PTPRN2: variants seen among roughly 807,000 people sequenced by gnomAD.
PTPRN2 encodes receptor-type tyrosine-protein phosphatase N2.
A neutral mutation model predicts 118.8 loss-of-function variants in PTPRN2; 74 were observed. The ratio of observed to expected loss-of-function variants is 0.62; its 90% confidence interval spans 0.52 to 0.76. The LOEUF is 0.76. Among genes scored for constraint, PTPRN2 ranks in the 30% least tolerant of loss-of-function variants. PTPRN2 has a pLI of 0.00. For synonymous variants in PTPRN2, 641 were observed against 608.0 expected (o/e 1.05, Z -0.80); for missense variants, 1,481 against 1,394.4 (o/e 1.06, Z -0.99).
intron 1 of PTPRN2, among the ~76,000 whole-genome samples, chr7:158,545,736 C>G (rs1209139154): frequency 2.0e-5 from 3 of 152,180 alleles, no homozygotes; most frequent in Non-Finnish European, 4.4e-5. Context: ...CAGTGGCTCA[C>G]ACCTGTAATC....
rs140865053 is a variant in PTPRN2 at position 157,872,819 on chromosome 7, G to A, written c.1788+25854C>T. 8.5e-3 allele frequency among the ~76,000 whole-genome samples: 1,292 copies of A among 152,360 alleles called. 11 individuals are homozygous for A. Among genetic ancestry groups the A allele is most frequent in the South Asian group, 0.016 (75 of 4,832 alleles). On this transcript the variant is annotated intron_variant, in intron 12 of 22. Transcript: ENST00000389418. ...TGAGAGTTTCCTCAGCTTCCTGGCG[G>A]GGTAGAGGGGTGACGGGTGCTTTCT...
At chr7:158,539,093 G>T (rs779258620) in intron 1 of PTPRN2, among the ~76,000 whole-genome samples, 2 of 152,182 alleles carry the variant, frequency 1.3e-5, no homozygotes, top group Non-Finnish European at 2.9e-5. Context: ...CCCCGTGTCA[G>T]CCAGCACAGC....
intron 9 of PTPRN2, among the ~76,000 whole-genome samples, chr7:158,128,007 C>T (rs1817835869): frequency 6.6e-6 from 1 of 152,156 alleles, no homozygotes; most frequent in African/African-American, 2.4e-5. Context: ...AAAAGCCGAG[C>T]CCTACCATCC....
At chr7:158,325,892 C>T (rs1418937437) in intron 2 of PTPRN2, among the ~76,000 whole-genome samples, 1 of 152,258 alleles carries the variant, frequency 6.6e-6, no homozygotes, top group East Asian at 1.9e-4. Flanking sequence ...CTTGCGGCTG[C>T]CAGCTGACCC....
At chr7:157,908,509 C>A (rs1218198933) in intron 11 of PTPRN2, among the ~76,000 whole-genome samples, 1 of 152,220 alleles carries the variant, frequency 6.6e-6, no homozygotes, top group Non-Finnish European at 1.5e-5. Flanking sequence ...CCCACTCTTG[C>A]GTTTCTTTGC....
At chr7:157,777,222 C>T (rs565783431) in intron 12 of PTPRN2, among the ~76,000 whole-genome samples, 2 of 152,242 alleles carry the variant, frequency 1.3e-5, no homozygotes, top group African/African-American at 4.8e-5. Context: ...AACAGATCCA[C>T]AAATTCTTGT....
rs1337451695 is a variant in PTPRN2, at chr7:158,563,454, G to A, written c.112+24104C>T. 1.3e-5 allele frequency among the ~76,000 whole-genome samples: 2 copies of A among 152,210 alleles called. No individual in the cohort carries two copies. The highest frequency in any genetic ancestry group is 4.8e-5 in the African/African-American group (2 of 41,458). On this transcript the variant is annotated intron_variant, in intron 1 of 22. Transcript: ENST00000389418. The surrounding 1 kb of genome is among the most constrained non-coding windows in gnomAD (Gnocchi z 5.1). The stretch of plus-strand genomic sequence containing the variant: ...CATAATATGAAGTTTGGGTGAGGCG[G>A]TGCCAAAACCCAGCTGGTGCAAGCT...
At chr7:158,116,379 C>T in intron 9 of PTPRN2, among the ~76,000 whole-genome samples, 1 of 152,240 alleles carries the variant, frequency 6.6e-6, no homozygotes, top group East Asian at 1.9e-4. Context: ...GATCCTTGAA[C>T]TCTGAAGCCT....
At chr7:158,088,342 C>T (rs62480181) in intron 10 of PTPRN2, among the ~76,000 whole-genome samples, 58 of 26,092 alleles carry the variant, frequency 2.2e-3, no homozygotes, top group African/African-American at 3.6e-3. Context: ...ACAAACCTTC[C>T]TCCCCTGATG....
intron 11 of PTPRN2, among the ~76,000 whole-genome samples, chr7:158,073,548 C>T (rs752433853): frequency 1.3e-5 from 2 of 152,210 alleles, no homozygotes; most frequent in Non-Finnish European, 2.9e-5. Context: ...CTTTCTGCTC[C>T]GGTATAAAGA....
At chr7:157,736,983 G>A (rs1006727592) in intron 12 of PTPRN2, among the ~76,000 whole-genome samples, 1 of 152,146 alleles carries the variant, frequency 6.6e-6, no homozygotes, top group African/African-American at 2.4e-5. Flanking sequence ...CCTGCTTCAG[G>A]TGCCCTTTGC....
At chr7:158,213,497 C>G (rs1827756366) in intron 3 of PTPRN2, among the ~76,000 whole-genome samples, 2 of 152,142 alleles carry the variant, frequency 1.3e-5, no homozygotes, top group Non-Finnish European at 2.9e-5. Flanking sequence ...CCAACTTACT[C>G]TAAGCTGCTC....
intron 13 of PTPRN2, among the ~76,000 whole-genome samples, chr7:157,673,635 G>A (rs544710069): frequency 5.5e-4 from 80 of 146,334 alleles, no homozygotes; most frequent in African/African-American, 1.8e-3. Context: ...CTCCTCTCCC[G>A]CCCCACAGAG....
At chr7:157,946,388 C>T (rs1800489670) in intron 11 of PTPRN2, among the ~76,000 whole-genome samples, 1 of 152,226 alleles carries the variant, frequency 6.6e-6, no homozygotes, top group Non-Finnish European at 1.5e-5. Flanking sequence ...AATGAAATCA[C>T]TGAGGCCAAG....
chr7:158,173,347 G>A (rs751635028), intron 5 of PTPRN2, among the ~76,000 whole-genome samples: 2 of 152,196 alleles, frequency 1.3e-5, no homozygotes, highest in African/African-American at 2.4e-5. Context: ...TTTTACAGCT[G>A]GGCCTTCAGG....
At position 157,981,582 on chromosome 7, in the gene PTPRN2, A is replaced by ATT. The variant is rs33911310; in HGVS notation, c.1724-82847_1724-82846dup. ...AGTTAATTTAACAGGGAGTGATTCC[A>ATT]TTTTTTTTTGTAGTAATTCAGTTTA... On this transcript the variant is annotated intron_variant, in intron 11 of 22. Transcript: ENST00000389418. 1.6e-3 allele frequency among the ~76,000 whole-genome samples: 248 copies of ATT among 151,982 alleles called. 1 individual carries two copies. Among genetic ancestry groups the ATT allele is most frequent in the African/African-American group, 5.6e-3 (232 of 41,452 alleles).
chr7:158,136,968 G>A (rs987597032), intron 7 of PTPRN2, among the ~76,000 whole-genome samples: 2 of 148,836 alleles, frequency 1.3e-5, no homozygotes, highest in South Asian at 2.1e-4. Context: ...TCACGTGATC[G>A]ACAAAGTTAA....
chr7:158,534,549 A>G (rs955240163), intron 1 of PTPRN2, among the ~76,000 whole-genome samples: 5 of 151,884 alleles, frequency 3.3e-5, no homozygotes, highest in African/African-American at 4.8e-5. Context: ...CTGAACTGCG[A>G]CTCTGCCCCA....
intron 2 of PTPRN2, among the ~76,000 whole-genome samples, chr7:158,478,319 G>A (rs544384106): frequency 2.4e-4 from 36 of 152,256 alleles, no homozygotes; most frequent in Admixed American, 9.8e-4. Flanking sequence ...ACAGACACTC[G>A]GAAAACTGCA....
Sources: gnomAD v4.1 joint callset for allele counts (sites outside exome capture counted in the v4.1 genomes callset) on GRCh38, gnomAD v4.1.1 for gene constraint, Gnocchi (gnomAD v3.1) non-coding constraint, MANE v1.5 for transcripts, NCBI Gene and HGNC (gene_info 2026-07-23, HGNC 2026-07-21) for gene names.